The following STK40 variants were observed in gnomAD, a reference collection of about 807,000 sequenced individuals.
STK40 encodes the protein serine/threonine-protein kinase 40.
Under a neutral mutation model 47.9 loss-of-function variants are expected in STK40, and 13 were observed. That is an observed-to-expected ratio of 0.27 (90% CI 0.18 to 0.43). The LOEUF (loss-of-function observed/expected upper bound fraction) is 0.43. Among genes scored for constraint, STK40 ranks in the 20% least tolerant of loss-of-function variants. The pLI is 1.00. For synonymous variants in STK40, 225 were observed against 243.2 expected (o/e 0.93, Z 0.69); for missense variants, 460 against 595.1 (o/e 0.77, Z 2.36).
rs913804523 is a variant in STK40, at chr1:36,347,425, C to G, written c.739+1275G>C. Among the ~76,000 whole-genome samples the G allele has an allele frequency of 4.5e-4, 68 of 152,344 alleles. 1 individual carries two copies. In the Middle Eastern group the frequency reaches 0.01, roughly 23 times the overall value. ...GAATGGGCTTTAGTGGGAGGCAGCC[C>G]TGGGGCTGCGCCTCCATTTTCCAGT... On this transcript the variant is annotated intron_variant, in intron 7 of 10. Transcript: ENST00000373132.
At chr1:36,373,901 CCT>C (rs537693795) in intron 1 of STK40, among the ~76,000 whole-genome samples, 10 of 152,348 alleles carry the variant, frequency 6.6e-5, no homozygotes, top group Non-Finnish European at 1.3e-4. Context: ...GACCCCACCC[CCT>C]GAGGCCTGCT....
chr1:36,364,517 T>C (rs1454111471), intron 1 of STK40, among the ~76,000 whole-genome samples: 1 of 152,240 alleles, frequency 6.6e-6, no homozygotes, highest in South Asian at 2.1e-4. Flanking sequence ...GCTGTGTCTA[T>C]TATTTCTTTT....
rs774487480 is a variant in STK40, at chr1:36,348,680, T to C, written c.739+20A>G. On this transcript the variant is annotated intron_variant, in intron 7 of 10. Transcript: ENST00000373132. ...GGCTGTATTGAGCTTAGAGGCCCAA[T>C]GTCTGGCACACACACGTACCGCTGA... is the stretch of plus-strand genomic sequence containing the variant. 4 of 1,585,046 alleles carry C rather than the reference T, an allele frequency of 2.5e-6. No homozygotes were observed. The Admixed American group carries it at 5.3e-5, about 21-fold the overall frequency.
At chr1:36,350,748 C>T (rs898188626) in intron 6 of STK40, among the ~76,000 whole-genome samples, 1 of 152,232 alleles carries the variant, frequency 6.6e-6, no homozygotes, top group Non-Finnish European at 1.5e-5. Context: ...TGACAACAGG[C>T]CCCGGAGAGC....
At chr1:36,384,662 C>G (rs1409317742) in intron 1 of STK40, among the ~76,000 whole-genome samples, 1 of 152,198 alleles carries the variant, frequency 6.6e-6, no homozygotes, top group Non-Finnish European at 1.5e-5. Context: ...TAGCACTTGC[C>G]TCTAGGCAAG....
At chr1:36,358,555 C>T (rs1173032386) in intron 3 of STK40, among the ~76,000 whole-genome samples, 173 bp from the exon 4 acceptor site, 1 of 152,172 alleles carries the variant, frequency 6.6e-6, no homozygotes, top group East Asian at 1.9e-4. Flanking sequence ...GTAATTTATG[C>T]ACAGACAAAA....
At chr1:36,366,824 A>ATTC (rs1275663924) in intron 1 of STK40, among the ~76,000 whole-genome samples, 4 of 147,496 alleles carry the variant, frequency 2.7e-5, no homozygotes, top group South Asian at 2.1e-4. Context: ...ACTCTTCTAC[A>ATTC]TTCTTCTTCT....
chr1:36,378,648 GT>G (rs1411656950), intron 1 of STK40, among the ~76,000 whole-genome samples: 2 of 152,118 alleles, frequency 1.3e-5, no homozygotes, highest in Non-Finnish European at 2.9e-5. Context: ...TAGTAGAGAT[GT>G]GGTTTCACCA....
At chr1:36,383,077 T>C (rs1055645582) in intron 1 of STK40, among the ~76,000 whole-genome samples, 1 of 152,068 alleles carries the variant, frequency 6.6e-6, no homozygotes, top group African/African-American at 2.4e-5. Context: ...GCCTCCTGAG[T>C]AGCTGGGATT....
At chr1:36,375,879 G>C (rs1646988053) in intron 1 of STK40, among the ~76,000 whole-genome samples, 1 of 152,058 alleles carries the variant, frequency 6.6e-6, no homozygotes, top group Non-Finnish European at 1.5e-5. Flanking sequence ...AAAATTAGCT[G>C]GGCGTGGTGG....
chr1:36,361,441 G>A, intron 1 of STK40, 101 bp from the exon 2 acceptor site: 1 of 1,539,446 alleles, frequency 6.5e-7, no homozygotes, highest in South Asian at 1.2e-5. Flanking sequence ...TCACACAGCT[G>A]CCGCTGCTGC....
In STK40 at chr1:36,341,589, G is replaced by C. The variant is rs1646647516; in HGVS notation, c.*166C>G. Reference sequence around the variant, plus strand: ...AGCAATCATCCCAAAAGGTAGCTTCGTGGTACCTCTGCTGACCCCACGTGT... The same window carrying C: ...AGCAATCATCCCAAAAGGTAGCTTCCTGGTACCTCTGCTGACCCCACGTGT... On this transcript the variant is annotated 3_prime_UTR_variant, in exon 11 of 11. Transcript: ENST00000373132. The C allele has an allele frequency of 3.6e-5, 26 of 723,994 alleles. No individual in the cohort carries two copies. The South Asian group carries it at 4.7e-4, about 13-fold the overall frequency. The allele number at this position is 723,994 out of a possible 1,614,324, so 44.8% of individuals were successfully genotyped here. A position where few individuals can be genotyped will look rare whatever the true frequency, so the allele number is the denominator to read the frequency against.
Position 36,355,609 on chromosome 1 carries a change from A to G in STK40, c.343-176T>C, listed in dbSNP as rs188161207. On this transcript the variant is annotated intron_variant, in intron 4 of 10. Coordinates refer to ENST00000373132, the MANE Select transcript of STK40 (RefSeq NM_001282547.2). ...GGCAGCCTAGACCATGGGGCAGGTC[A>G]GCACTGTGCAGCCTCTTGTGTGCCA... Among the ~76,000 whole-genome samples, 78 of 152,300 alleles carry G rather than the reference A, an allele frequency of 5.1e-4. 1 individual carries two copies. The highest frequency in any genetic ancestry group is 8.2e-4 in the Non-Finnish European group (56 of 68,026).
chr1:36,365,632 T>C (rs1178527726), intron 1 of STK40, among the ~76,000 whole-genome samples: 1 of 152,188 alleles, frequency 6.6e-6, no homozygotes, highest in East Asian at 1.9e-4. Context: ...GGCAGTAATG[T>C]GTCTGGCACT....
intron 1 of STK40, among the ~76,000 whole-genome samples, chr1:36,370,946 G>A (rs1054007334): frequency 1.3e-5 from 2 of 150,802 alleles, no homozygotes; most frequent in Non-Finnish European, 2.9e-5. Context: ...GCAAGATGTC[G>A]GCTCACTGCA....
At position 36,383,480 on chromosome 1, in the gene STK40, A is replaced by G. The variant is rs559719206; in HGVS notation, c.-9+2243T>C. Among the ~76,000 whole-genome samples the G allele has an allele frequency of 3.9e-5, 6 of 152,338 alleles. No homozygotes were observed. In the East Asian group the frequency reaches 1.2e-3, roughly 29 times the overall value. ...GCTTGCCATCTGGCACTGGTTGCAC[A>G]TGGTGCTTCCTCAGCAAAGATCCAT... On this transcript the variant is annotated intron_variant, in intron 1 of 10. Transcript: ENST00000373132.
At position 36,340,766 on chromosome 1, in the gene STK40, G is replaced by A. The variant is rs898817306; in HGVS notation, c.*989C>T. 6.6e-6 allele frequency: 1 copy of A among 152,348 alleles called. No homozygotes were observed. The highest frequency in any genetic ancestry group is 1.5e-5 in the Non-Finnish European group (1 of 68,098). 9.4% of individuals were successfully genotyped at this position (152,348 alleles called of 1,614,324 possible). A position where few individuals can be genotyped will look rare whatever the true frequency, so the allele number is the denominator to read the frequency against. ...AGTCACCACATCTATTATGAGGCAAGGGCACTGGGATATGTTCCCACCATC... is the reference window on the plus strand; with the variant it reads ...AGTCACCACATCTATTATGAGGCAAAGGCACTGGGATATGTTCCCACCATC... On this transcript the variant is annotated 3_prime_UTR_variant, in exon 11 of 11. Coordinates refer to ENST00000373132, the MANE Select transcript of STK40 (RefSeq NM_001282547.2).
At chr1:36,359,199 G>C (rs1266280906) in intron 2 of STK40, among the ~76,000 whole-genome samples, 1 of 152,148 alleles carries the variant, frequency 6.6e-6, no homozygotes, top group Non-Finnish European at 1.5e-5. Context: ...TTGAGCCCAG[G>C]AGTTTGAGAC....
chr1:36,373,337 T>G (rs188219879), intron 1 of STK40, among the ~76,000 whole-genome samples: 1 of 152,334 alleles, frequency 6.6e-6, no homozygotes, highest in Admixed American at 6.5e-5. Context: ...CACCCACCGC[T>G]TGCCAGAAAC....
Sources: gnomAD v4.1 joint callset for allele counts (sites outside exome capture counted in the v4.1 genomes callset) on GRCh38, gnomAD v4.1.1 for gene constraint, MANE v1.5 for transcripts, NCBI Gene and HGNC (gene_info 2026-07-23, HGNC 2026-07-21) for gene names.